NETO1: variants seen among roughly 807,000 people sequenced by gnomAD.
NETO1 encodes neuropilin and tolloid like 1.
NETO1 carries 26 observed loss-of-function variants against 61.3 expected under a neutral mutation model. The ratio of observed to expected loss-of-function variants is 0.42; its 90% CI spans 0.31 to 0.59. The LOEUF is 0.59. Ranked by LOEUF, NETO1 falls within the 20% of genes least tolerant of loss-of-function variation. NETO1 has a pLI of 0.12. For synonymous variants in NETO1, 225 were observed against 225.8 expected (o/e 1.00, Z 0.03); for missense variants, 531 against 662.8 (o/e 0.80, Z 2.18).
At chr18:72,835,120 T>C (rs777126721) in intron 4 of NETO1, 630 of 1,205,132 alleles carry the variant, frequency 5.2e-4, no homozygotes, top group Non-Finnish European at 6.1e-4. Flanking sequence ...AGTCCGAATA[T>C]GTGGCAAACT....
intron 4 of NETO1, among the ~76,000 whole-genome samples, chr18:72,823,647 C>T (rs1419662186): frequency 6.6e-6 from 1 of 152,056 alleles, no homozygotes; most frequent in African/African-American, 2.4e-5. Flanking sequence ...CCCCTGACTC[C>T]CTGATTCTCC....
chr18:72,840,220 A>G (rs1382678870), intron 4 of NETO1, among the ~76,000 whole-genome samples: 1 of 152,188 alleles, frequency 6.6e-6, no homozygotes, highest in Non-Finnish European at 1.5e-5. Flanking sequence ...GCTCAGAATA[A>G]TGTCTGCATG....
intron 4 of NETO1, among the ~76,000 whole-genome samples, chr18:72,831,540 T>A (rs1027417700): frequency 3.9e-5 from 6 of 152,202 alleles, no homozygotes; most frequent in Non-Finnish European, 5.9e-5. Context: ...GTACTTTAAT[T>A]CACCTGGACA....
chr18:72,852,460 C>A (rs2074280628), intron 4 of NETO1, among the ~76,000 whole-genome samples: 1 of 152,188 alleles, frequency 6.6e-6, no homozygotes, highest in Admixed American at 6.5e-5. Context: ...CGTGATCCGC[C>A]GGCTTCAACT....
In NETO1 at chr18:72,862,632, T is replaced by C. The variant is rs578247488; in HGVS notation, c.220+2176A>G. Among the ~76,000 whole-genome samples, 635 of 149,540 alleles carry C rather than the reference T, an allele frequency of 4.2e-3. 6 individuals carry two copies. Among genetic ancestry groups the C allele is most frequent in the African/African-American group, 0.015 (593 of 40,662 alleles). Reference sequence around the variant, plus strand: ...TGATCCTTTTTTTTTCTTTTTTTTTTTTTTTTGAGACAGAGTCTCGCTCTG... The same window carrying C: ...TGATCCTTTTTTTTTCTTTTTTTTTCTTTTTTGAGACAGAGTCTCGCTCTG... On this transcript the variant is annotated intron_variant, in intron 3 of 10. Coordinates refer to ENST00000327305, the MANE Select transcript of NETO1 (RefSeq NM_138966.5).
intron 4 of NETO1, among the ~76,000 whole-genome samples, chr18:72,842,424 G>GTGA (rs951139613): frequency 1.1e-3 from 171 of 151,930 alleles, no homozygotes; most frequent in African/African-American, 3.9e-3. Flanking sequence ...TATGGCGATG[G>GTGA]TGATGATGAT....
At chr18:72,759,905 CA>C (rs1257622129) in intron 7 of NETO1, among the ~76,000 whole-genome samples, 1 of 152,150 alleles carries the variant, frequency 6.6e-6, no homozygotes, top group Non-Finnish European at 1.5e-5. Context: ...ATCCAAATGC[CA>C]AGTACCTCAC....
At chr18:72,820,446 C>T (rs937834479) in intron 4 of NETO1, among the ~76,000 whole-genome samples, 1 of 152,218 alleles carries the variant, frequency 6.6e-6, no homozygotes, top group Non-Finnish European at 1.5e-5. Flanking sequence ...ATAAAACCAA[C>T]TCTTCCCTTC....
At chr18:72,837,163 A>G (rs1194696451) in intron 4 of NETO1, among the ~76,000 whole-genome samples, 2 of 152,200 alleles carry the variant, frequency 1.3e-5, no homozygotes, top group African/African-American at 4.8e-5. Flanking sequence ...TTGTTCAATA[A>G]ACAGGAAAAA....
At position 72,783,543 on chromosome 18, in the gene NETO1, C is replaced by A. The variant is rs974700984; in HGVS notation, c.868+135G>T. On this transcript the variant is annotated intron_variant, in intron 7 of 10. Coordinates refer to ENST00000327305, the MANE Select transcript of NETO1 (RefSeq NM_138966.5). Reference sequence around the variant, plus strand: ...ATGGATCAAAATGAGAAAAAGAGGACCTTAGTGGTTTAAACAACATATTAG... The same window carrying A: ...ATGGATCAAAATGAGAAAAAGAGGAACTTAGTGGTTTAAACAACATATTAG... 7 of 688,588 alleles carry A rather than the reference C, an allele frequency of 1.0e-5. No homozygotes were observed. The African/African-American group carries it at 1.3e-4, about 12-fold the overall frequency. 42.7% of individuals were successfully genotyped at this position (688,588 alleles called of 1,614,324 possible). A position where few individuals can be genotyped will look rare whatever the true frequency, so the allele number is the denominator to read the frequency against.
At chr18:72,767,135 G>C (rs77458733) in intron 7 of NETO1, among the ~76,000 whole-genome samples, 4,162 of 152,180 alleles carry the variant, frequency 0.027, 142 homozygotes, top group East Asian at 0.084. Flanking sequence ...CCACAAAGGG[G>C]GCCTGCAGTA....
intron 4 of NETO1, among the ~76,000 whole-genome samples, chr18:72,808,870 GA>G (rs1279763013): frequency 6.6e-6 from 1 of 152,328 alleles, no homozygotes; most frequent in Non-Finnish European, 1.5e-5. Context: ...ATGGCAAGTG[GA>G]GGATCCATCA....
intron 4 of NETO1, among the ~76,000 whole-genome samples, chr18:72,844,451 C>T (rs1384535210): frequency 1.3e-5 from 2 of 152,340 alleles, no homozygotes; most frequent in African/African-American, 4.8e-5. Flanking sequence ...ACTTCCCACA[C>T]TTTCTAAAAT....
rs776076990 is a variant in NETO1, at chr18:72,756,088, C to G, written c.928G>C (p.Val310Leu). The change falls in exon 8 of 11, where the codon GTC (valine) becomes CTC (leucine). Residue 310 changes from valine (V) to leucine (L), a missense_variant. Physicochemically the swap from Val to Leu is conservative, Grantham distance 32. Transcript: ENST00000327305. ...ACACAGTTCTGGAGTCCATTGCAGACCAAAGTATTATTAATACACATGTTA... is the reference window on the plus strand; with the variant it reads ...ACACAGTTCTGGAGTCCATTGCAGAGCAAAGTATTATTAATACACATGTTA... ...HSNMCINNTLVCNGLQNCVYP... is the reference protein window; with the variant it reads ...HSNMCINNTLLCNGLQNCVYP... 3 of 1,610,768 alleles carry G rather than the reference C, an allele frequency of 1.9e-6. 1 individual carries two copies. The highest frequency in any genetic ancestry group is 3.3e-4 in the Middle Eastern group (2 of 6,054).
At chr18:72,778,115 G>C (rs1159742531) in intron 7 of NETO1, among the ~76,000 whole-genome samples, 2 of 152,184 alleles carry the variant, frequency 1.3e-5, no homozygotes, top group African/African-American at 2.4e-5. Flanking sequence ...TTTGAGATAC[G>C]AGGTAGTGGT....
chr18:72,859,480 T>C (rs1354492653), intron 3 of NETO1, among the ~76,000 whole-genome samples: 2 of 152,206 alleles, frequency 1.3e-5, no homozygotes, highest in African/African-American at 2.4e-5. Flanking sequence ...CATAGAGTTA[T>C]ATTAAATATA....
intron 7 of NETO1, among the ~76,000 whole-genome samples, chr18:72,759,933 C>A (rs1031419471): frequency 6.6e-6 from 1 of 152,134 alleles, no homozygotes. Context: ...TCCAGGGTCA[C>A]AAGAGGGGAC....
At chr18:72,838,535 C>CACACTTCT (rs1206723613) in intron 4 of NETO1, among the ~76,000 whole-genome samples, 1 of 152,192 alleles carries the variant, frequency 6.6e-6, no homozygotes. Context: ...GTGCTTCCTG[C>CACACTTCT]ACACTTCTAC....
chr18:72,747,671 A>G lies in NETO1; in HGVS notation c.*508T>C, dbSNP rs1037203663. On this transcript the variant is annotated 3_prime_UTR_variant, in exon 11 of 11. Transcript: ENST00000327305. ...TATAGTCCATAACCTCTAGCTGGTGATTCCATGGTCCACACTGTCACTTTT... is the reference window on the plus strand; with the variant it reads ...TATAGTCCATAACCTCTAGCTGGTGGTTCCATGGTCCACACTGTCACTTTT... 2.6e-5 allele frequency: 4 copies of G among 152,124 alleles called. No homozygotes were observed. Among genetic ancestry groups the G allele is most frequent in the African/African-American group, 9.6e-5 (4 of 41,458 alleles). 9.4% of individuals were successfully genotyped at this position (152,124 alleles called of 1,614,324 possible). A position where few individuals can be genotyped will look rare whatever the true frequency, so the allele number is the denominator to read the frequency against.
Sources: allele counts gnomAD v4.1 joint callset (sites outside exome capture counted in the v4.1 genomes callset), GRCh38; gene constraint gnomAD v4.1.1; transcripts MANE v1.5; gene names NCBI Gene and HGNC (gene_info 2026-07-23, HGNC 2026-07-21).